Variants in SUDS3 observed in about 807,000 individuals in gnomAD.
SUDS3 encodes SIN3A corepressor complex component SDS3, also known as sin3 histone deacetylase corepressor complex component SDS3.
In SUDS3, 23 loss-of-function variants were observed where a neutral mutation model predicts 53.5. The ratio of observed to expected loss-of-function variants is 0.43; its 90% CI spans 0.31 to 0.61. SUDS3 has a LOEUF of 0.61. SUDS3 is among the 20% of genes least tolerant of loss of function. The pLI, the probability that SUDS3 is intolerant of heterozygous loss-of-function variation, is 0.10. For synonymous variants in SUDS3, 150 were observed against 148.5 expected (o/e 1.01, Z -0.08); for missense variants, 291 against 405.9 (o/e 0.72, Z 2.43).
chr12:118,399,431 G>T (rs1253101933), intron 6 of SUDS3, among the ~76,000 whole-genome samples: 1 of 152,208 alleles, frequency 6.6e-6, no homozygotes, highest in African/African-American at 2.4e-5. Context: ...GAACCGGGGA[G>T]GCAGAGGTTG....
At chr12:118,410,993 A>C in intron 10 of SUDS3, 80 bp from the exon 11 acceptor site, 1 of 1,067,494 alleles carries the variant, frequency 9.4e-7, no homozygotes, top group Non-Finnish European at 1.4e-6. Context: ...TTTTGTTGTG[A>C]TGGTGTTTTT....
intron 6 of SUDS3, among the ~76,000 whole-genome samples, chr12:118,398,671 T>C (rs1308703492): frequency 7.1e-6 from 1 of 141,552 alleles, no homozygotes; most frequent in African/African-American, 2.6e-5. Flanking sequence ...TGCTCTAAGA[T>C]CCTGCACACT....
intron 5 of SUDS3, 55 bp downstream of exon 5, chr12:118,390,001 C>A: frequency 6.2e-7 from 1 of 1,606,588 alleles, no homozygotes; most frequent in Non-Finnish European, 8.5e-7. Flanking sequence ...TGGAATCTTG[C>A]AGTCCTGATC....
chr12:118,377,553 A>G (rs1162496282), intron 1 of SUDS3, among the ~76,000 whole-genome samples: 3 of 134,938 alleles, frequency 2.2e-5, no homozygotes, highest in Non-Finnish European at 3.1e-5. Context: ...AGAGGGAGAG[A>G]TTTGCTTAAT....
intron 10 of SUDS3, among the ~76,000 whole-genome samples, chr12:118,410,312 CT>C (rs1271689375): frequency 1.3e-5 from 2 of 152,140 alleles, no homozygotes; most frequent in Non-Finnish European, 2.9e-5. Flanking sequence ...TGGCTTATGC[CT>C]GTATATTTTG....
chr12:118,380,721 C>A (rs1403886674), intron 2 of SUDS3, among the ~76,000 whole-genome samples: 1 of 151,914 alleles, frequency 6.6e-6, no homozygotes, highest in Non-Finnish European at 1.5e-5. Flanking sequence ...TCTTTTTTTT[C>A]CTTGAGACAG....
chr12:118,403,143 AT>A (rs2046278831), intron 9 of SUDS3, among the ~76,000 whole-genome samples: 1 of 152,156 alleles, frequency 6.6e-6, no homozygotes, highest in Non-Finnish European at 1.5e-5. Context: ...GACCTTATGT[AT>A]TTGCACATTT....
Position 118,409,020 on chromosome 12 carries a change from C to T in SUDS3, c.804-2053C>T, listed in dbSNP as rs557763649. 6.6e-5 allele frequency among the ~76,000 whole-genome samples: 10 copies of T among 152,228 alleles called. No homozygotes were observed. In the South Asian group the frequency reaches 1.9e-3, roughly 28 times the overall value. On this transcript the variant is annotated intron_variant, in intron 10 of 11. Transcript: ENST00000543473. Reference sequence around the variant, plus strand: ...GCCTTTTCTTATGCATTGTACAGTTCGGCCCTTGTGATAATACATATTTAG... The same window carrying T: ...GCCTTTTCTTATGCATTGTACAGTTTGGCCCTTGTGATAATACATATTTAG...
In SUDS3 at chr12:118,391,291, G is replaced by T; in HGVS notation, c.517+9G>T. On this transcript the variant is annotated intron_variant, in intron 6 of 11. Coordinates refer to ENST00000543473, the MANE Select transcript of SUDS3 (RefSeq NM_022491.3). Reference sequence around the variant, plus strand: ...AATGGAACTGACTGGAGGTAGGAAAGCCCTATGGGGTGGGATCTTGGGGGC... The same window carrying T: ...AATGGAACTGACTGGAGGTAGGAAATCCCTATGGGGTGGGATCTTGGGGGC... 6.2e-7 allele frequency: 1 copy of T among 1,602,672 alleles called. No homozygotes were observed. Among genetic ancestry groups the T allele is most frequent in the Non-Finnish European group, 8.5e-7 (1 of 1,176,164 alleles).
chr12:118,394,825 A>G (rs572975569), intron 6 of SUDS3, among the ~76,000 whole-genome samples: 1 of 152,276 alleles, frequency 6.6e-6, no homozygotes, highest in South Asian at 2.1e-4. Flanking sequence ...AGCTGGGACT[A>G]CAGGCATGTG....
rs1471103702 is a variant in SUDS3, at chr12:118,417,517, T to C, written c.*3084T>C. 2 of 152,176 alleles carry C rather than the reference T, an allele frequency of 1.3e-5. No homozygotes were observed. The highest frequency in any genetic ancestry group is 1.9e-4 in the East Asian group (1 of 5,196). 9.4% of individuals were successfully genotyped at this position (152,176 alleles called of 1,614,324 possible). A position where few individuals can be genotyped will look rare whatever the true frequency, so the allele number is the denominator to read the frequency against. ...ATCTGGGAATTTGAAATCTCGGTGC[T>C]TACTGTTACACCAATTTGTCCAAAG... On this transcript the variant is annotated 3_prime_UTR_variant, in exon 12 of 12. Coordinates refer to ENST00000543473, the MANE Select transcript of SUDS3 (RefSeq NM_022491.3).
chr12:118,395,221 T>G (rs952179474), intron 6 of SUDS3, among the ~76,000 whole-genome samples: 1 of 136,608 alleles, frequency 7.3e-6, no homozygotes, highest in East Asian at 2.4e-4. Flanking sequence ...TCAGGGTTTT[T>G]TTTTTTTTTT....
intron 10 of SUDS3, among the ~76,000 whole-genome samples, chr12:118,407,745 G>A (rs1286713811): frequency 2.0e-5 from 3 of 147,286 alleles, no homozygotes; most frequent in East Asian, 2.1e-4. Flanking sequence ...TTGAGACAGA[G>A]TCTCGCTCTG....
intron 1 of SUDS3, among the ~76,000 whole-genome samples, chr12:118,377,373 C>T (rs1444576512): frequency 6.6e-6 from 1 of 152,168 alleles, no homozygotes; most frequent in Non-Finnish European, 1.5e-5. Context: ...GTTTTCCAGC[C>T]TCGATTTACC....
intron 6 of SUDS3, 48 bp downstream of exon 6, chr12:118,391,330 G>GT: frequency 6.4e-7 from 1 of 1,554,938 alleles, no homozygotes; most frequent in Non-Finnish European, 8.7e-7. Context: ...GAGCGGGGGG[G>GT]TGTGAAGGGC....
At position 118,380,466 on chromosome 12, in the gene SUDS3, A is replaced by G. The variant is rs1015947645; in HGVS notation, c.212+235A>G. Among the ~76,000 whole-genome samples, 5 of 152,234 alleles carry G rather than the reference A, an allele frequency of 3.3e-5. No homozygotes were observed. The East Asian group carries it at 9.6e-4, about 29-fold the overall frequency. On this transcript the variant is annotated intron_variant, in intron 2 of 11. Coordinates refer to ENST00000543473, the MANE Select transcript of SUDS3 (RefSeq NM_022491.3). ...TCTAAAATTTGAAAAAATCCAAAACACTTCTGATCCCAAGCATTTCAGATA... is the reference window on the plus strand; with the variant it reads ...TCTAAAATTTGAAAAAATCCAAAACGCTTCTGATCCCAAGCATTTCAGATA...
chr12:118,403,365 CA>C (rs1312726957), intron 9 of SUDS3, 46 bp from the exon 10 acceptor site: 1 of 1,415,352 alleles, frequency 7.1e-7, no homozygotes, highest in African/African-American at 1.4e-5. Context: ...GGTAGACTCG[CA>C]TGTGTTTGTT....
intron 6 of SUDS3, among the ~76,000 whole-genome samples, chr12:118,398,568 A>G (rs1020667316): frequency 1.6e-4 from 24 of 151,474 alleles, no homozygotes; most frequent in Non-Finnish European, 2.9e-5. Context: ...CATAGGAAAA[A>G]AATATTTAAT....
chr12:118,376,561 G>A lies in SUDS3; in HGVS notation c.-131G>A, dbSNP rs553951410. 3 of 1,176,528 alleles carry A rather than the reference G, an allele frequency of 2.5e-6. No homozygotes were observed. Among genetic ancestry groups the A allele is most frequent in the African/African-American group, 3.2e-5 (2 of 62,732 alleles). The allele number at this position is 1,176,528 out of a possible 1,614,324, so 72.9% of individuals were successfully genotyped here. On this transcript the variant is annotated 5_prime_UTR_variant, in exon 1 of 12. Transcript: ENST00000543473. ...GCGGGGGGCGGAGCTCGGCGGAGACGGGGAAGGGGTCGCCGTGGCTGCCGG... is the reference window on the plus strand; with the variant it reads ...GCGGGGGGCGGAGCTCGGCGGAGACAGGGAAGGGGTCGCCGTGGCTGCCGG...
Sources: gnomAD v4.1 joint callset for allele counts (sites outside exome capture counted in the v4.1 genomes callset) on GRCh38, gnomAD v4.1.1 for gene constraint, MANE v1.5 for transcripts, NCBI Gene and HGNC (gene_info 2026-07-23, HGNC 2026-07-21) for gene names.